CLUAP1: variants seen among roughly 807,000 people sequenced by gnomAD.
The protein encoded by CLUAP1 is intraflagellar transport 38, also known as clusterin-associated protein 1.
A neutral mutation model predicts 55.0 loss-of-function variants in CLUAP1; 50 were observed. That is an observed-to-expected ratio of 0.91 (90% CI 0.72 to 1.15). The LOEUF is 1.15. CLUAP1 is among the 50% of genes most tolerant of loss of function. The pLI is 0.00. For synonymous variants in CLUAP1, 195 were observed against 175.4 expected, an observed-to-expected ratio of 1.11 and a Z score of -0.88; for missense variants, 530 against 507.6, an observed-to-expected ratio of 1.04 and a Z score of -0.42.
chr16:3,531,033 C>G (rs1035042099), intron 10 of CLUAP1, among the ~76,000 whole-genome samples: 2 of 152,180 alleles, frequency 1.3e-5, no homozygotes, highest in African/African-American at 4.8e-5. Context: ...AAAAAAAGTT[C>G]TTCTAATTCC....
At chr16:3,511,058 A>G (rs893667128) in intron 4 of CLUAP1, among the ~76,000 whole-genome samples, 21 of 152,240 alleles carry the variant, frequency 1.4e-4, no homozygotes, top group African/African-American at 5.1e-4. Flanking sequence ...GAAGCAGAGA[A>G]GGTGACAGAC....
chr16:3,523,268 A>G lies in CLUAP1; in HGVS notation c.824A>G (p.Asp275Gly), dbSNP rs754714899. ...NLTYLEQQLE[D>G]HHRMEQERFE... is the part of the protein sequence containing the mutation. Reference sequence around the variant, plus strand: ...ACTTATCTGGAACAACAGCTTGAAGACCATCATAGGATGGAGCAAGAAAGG... The same window carrying G: ...ACTTATCTGGAACAACAGCTTGAAGGCCATCATAGGATGGAGCAAGAAAGG... Residue 275 changes from aspartate to glycine, a missense_variant, in exon 8 of 12, where the codon GAC (aspartate) becomes GGC (glycine). Asp to Gly is a moderately conservative substitution (Grantham distance 94). Coordinates refer to ENST00000576634, the MANE Select transcript of CLUAP1 (RefSeq NM_015041.3). The G allele has an allele frequency of 6.8e-6, 11 of 1,613,552 alleles. No homozygotes were observed. The highest frequency in any genetic ancestry group is 2.2e-5 in the East Asian group (1 of 44,856).
At chr16:3,507,686 G>A (rs1383425952) in intron 3 of CLUAP1, among the ~76,000 whole-genome samples, 1 of 130,776 alleles carries the variant, frequency 7.6e-6, no homozygotes, top group East Asian at 2.1e-4. Flanking sequence ...GAGTTTGTGT[G>A]TGTGTGTGTG....
chr16:3,502,594 A>G (rs2037427826), intron 1 of CLUAP1, among the ~76,000 whole-genome samples: 1 of 152,154 alleles, frequency 6.6e-6, no homozygotes, highest in Non-Finnish European at 1.5e-5. Context: ...GCTCTTTTCT[A>G]CAATGTAAAA....
At chr16:3,506,012 C>G (rs2037499793) in intron 2 of CLUAP1, among the ~76,000 whole-genome samples, 1 of 152,222 alleles carries the variant, frequency 6.6e-6, no homozygotes, top group Non-Finnish European at 1.5e-5. Context: ...CTAATCGGCC[C>G]TAGCACTGAT....
At chr16:3,529,841 T>TATA (rs2038077030) in intron 9 of CLUAP1, among the ~76,000 whole-genome samples, 1 of 51,608 alleles carries the variant, frequency 1.9e-5, no homozygotes, top group Non-Finnish European at 3.3e-5. Flanking sequence ...TATAATATAT[T>TATA]ATATAATATA....
intron 11 of CLUAP1, 159 bp from the exon 12 acceptor site, chr16:3,535,963 C>T (rs2038223114): frequency 4.1e-6 from 3 of 730,364 alleles, no homozygotes; most frequent in South Asian, 1.9e-5. Context: ...TACATAGCCT[C>T]AGTCCCATCT....
At chr16:3,528,866 T>C (rs568821499) in intron 9 of CLUAP1, among the ~76,000 whole-genome samples, 1 of 152,310 alleles carries the variant, frequency 6.6e-6, no homozygotes, top group African/African-American at 2.4e-5. Context: ...CATTGAGTTA[T>C]ACTCGCATGT....
chr16:3,496,847 C>A, upstream of CLUAP1: 2 of 271,642 alleles, frequency 7.4e-6, no homozygotes, highest in Non-Finnish European at 1.5e-5. Flanking sequence ...TTGTCACAGA[C>A]GACCTGATTT....
At position 3,508,380 on chromosome 16, in the gene CLUAP1, T is replaced by A. The variant is rs577364399; in HGVS notation, c.311T>A (p.Leu104His). Residue 104 changes from leucine (L) to histidine (H), a missense_variant, in exon 4 of 12, where the codon CTT becomes CAT. By Grantham distance (99) the Leu-to-His change is moderately conservative. Coordinates refer to ENST00000576634, the MANE Select transcript of CLUAP1 (RefSeq NM_015041.3). ...VKELLKITSV[L>H]YNAMKTKGME... ...GAGCTGCTGAAGATCACATCTGTCC[T>A]TTATAATGCTATGAAGACCAAGGGG... 2.9e-5 allele frequency: 46 copies of A among 1,606,072 alleles called. No homozygotes were observed. The highest frequency in any genetic ancestry group is 3.6e-5 in the Non-Finnish European group (42 of 1,178,044).
intron 1 of CLUAP1, among the ~76,000 whole-genome samples, chr16:3,504,502 C>T (rs1308798963): frequency 6.6e-6 from 1 of 152,170 alleles, no homozygotes; most frequent in African/African-American, 2.4e-5. Flanking sequence ...GTATAGCCAT[C>T]TACTTCTCCC....
chr16:3,510,568 T>TTGGGGCAGCCG (rs2037604801), intron 4 of CLUAP1, among the ~76,000 whole-genome samples: 1 of 152,210 alleles, frequency 6.6e-6, no homozygotes. Flanking sequence ...AGGCCGGGTC[T>TTGGGGCAGCCG]TGGGGCAGCC....
chr16:3,500,866 C>T, upstream of CLUAP1: 1 of 595,324 alleles, frequency 1.7e-6, no homozygotes. Flanking sequence ...CCTCTGCCCT[C>T]GGCGTCTCAG....
intron 11 of CLUAP1, chr16:3,533,146 C>T: frequency 7.8e-6 from 12 of 1,536,082 alleles, no homozygotes; most frequent in Non-Finnish European, 1.0e-5. Flanking sequence ...CTTCCAGCTC[C>T]AAGAAGCAGG....
chr16:3,531,875 G>T (rs1320078139), intron 10 of CLUAP1, among the ~76,000 whole-genome samples: 4 of 148,774 alleles, frequency 2.7e-5, no homozygotes, highest in Admixed American at 6.7e-5. Context: ...ACAAAGTCTC[G>T]CTCTTGGTCC....
chr16:3,499,326 C>G (rs2037345579), upstream of CLUAP1, among the ~76,000 whole-genome samples: 1 of 152,158 alleles, frequency 6.6e-6, no homozygotes. Context: ...GCCTGGGCAA[C>G]AAGAGCAAGA....
intron 10 of CLUAP1, among the ~76,000 whole-genome samples, chr16:3,532,309 C>T (rs2038137538): frequency 6.6e-6 from 1 of 151,272 alleles, no homozygotes; most frequent in Non-Finnish European, 1.5e-5. Flanking sequence ...GTCAAAGGTT[C>T]CATAAATTTT....
chr16:3,502,417 C>G (rs1273180221), intron 1 of CLUAP1, among the ~76,000 whole-genome samples: 1 of 150,786 alleles, frequency 6.6e-6, no homozygotes, highest in East Asian at 1.9e-4. Flanking sequence ...GCGCTCCACC[C>G]TGGCCGACAG....
upstream of CLUAP1, among the ~76,000 whole-genome samples, chr16:3,497,071 A>G (rs1455579966): frequency 1.3e-5 from 2 of 151,950 alleles, no homozygotes; most frequent in East Asian, 1.9e-4. Flanking sequence ...GGCTTTCGCC[A>G]TGTTGGCCAG....
Sources: gnomAD v4.1 joint callset for allele counts (sites outside exome capture counted in the v4.1 genomes callset) on GRCh38, gnomAD v4.1.1 for gene constraint, MANE v1.5 for transcripts, NCBI Gene and HGNC (gene_info 2026-07-23, HGNC 2026-07-21) for gene names.